EIF4G3: variants seen among roughly 807,000 people sequenced by gnomAD.
EIF4G3 encodes the protein eukaryotic translation initiation factor 4 gamma 3.
A neutral mutation model predicts 186.4 loss-of-function variants in EIF4G3; 34 were observed. The ratio of observed to expected loss-of-function variants is 0.18; its 90% confidence interval spans 0.14 to 0.24. The LOEUF (loss-of-function observed/expected upper bound fraction) is 0.24, where lower values mean the gene tolerates loss of function less well. Ranked by LOEUF, EIF4G3 falls within the 10% of genes least tolerant of loss-of-function variation. EIF4G3 has a pLI of 1.00. For synonymous variants in EIF4G3, 673 were observed against 679.5 expected (o/e 0.99, Z 0.15); for missense variants, 1,536 against 1,948.5 (o/e 0.79, Z 3.99).
At chr1:21,039,828 C>A (rs185904373) in intron 4 of EIF4G3, among the ~76,000 whole-genome samples, 131 of 152,164 alleles carry the variant, frequency 8.6e-4, no homozygotes, top group African/African-American at 2.9e-3. Flanking sequence ...AAGAAGCAAC[C>A]CAATTAAAAA....
chr1:21,159,507 C>T (rs2102920881), intron 2 of EIF4G3, among the ~76,000 whole-genome samples: 1 of 150,944 alleles, frequency 6.6e-6, no homozygotes, highest in South Asian at 2.1e-4. Flanking sequence ...GAGGCCGAAG[C>T]GGGCTGATCA....
chr1:20,817,582 C>A lies in EIF4G3; in HGVS notation c.4369-44G>T, dbSNP rs750583322. On this transcript the variant is annotated intron_variant, in intron 33 of 36. Coordinates refer to ENST00000602326, the MANE Select transcript of EIF4G3 (RefSeq NM_001391906.1). ...AACATATTAATATATTAATATAATTCTATGTTATTGTCATCCTGAGAGAAG... is the reference window on the plus strand; with the variant it reads ...AACATATTAATATATTAATATAATTATATGTTATTGTCATCCTGAGAGAAG... 5.3e-5 allele frequency: 67 copies of A among 1,268,996 alleles called. No homozygotes were observed. The Middle Eastern group carries it at 1.5e-3, about 28-fold the overall frequency. 78.6% of individuals were successfully genotyped at this position (1,268,996 alleles called of 1,614,324 possible). A position where few individuals can be genotyped will look rare whatever the true frequency, so the allele number is the denominator to read the frequency against.
chr1:20,923,057 G>A (rs1247520357), intron 14 of EIF4G3, among the ~76,000 whole-genome samples: 2 of 152,032 alleles, frequency 1.3e-5, no homozygotes, highest in Non-Finnish European at 2.9e-5. Flanking sequence ...TAAAGGTTGG[G>A]GCTAGAACTG....
Position 21,160,443 on chromosome 1 carries a change from T to C in EIF4G3, c.-272+15732A>G, listed in dbSNP as rs145855309. On this transcript the variant is annotated intron_variant, in intron 2 of 36. Transcript: ENST00000602326. Reference sequence around the variant, plus strand: ...ATTGAGAACCAAAGTTTGAGAAGATTCTAACATTGTTTGCAAACTCATCAA... The same window carrying C: ...ATTGAGAACCAAAGTTTGAGAAGATCCTAACATTGTTTGCAAACTCATCAA... Among the ~76,000 whole-genome samples, 110 of 152,240 alleles carry C rather than the reference T, an allele frequency of 7.2e-4. 1 individual carries two copies. Among genetic ancestry groups the C allele is most frequent in the Non-Finnish European group, 3.5e-4 (24 of 68,022 alleles).
At chr1:21,082,453 G>C (rs2095819247) in intron 3 of EIF4G3, among the ~76,000 whole-genome samples, 2 of 152,006 alleles carry the variant, frequency 1.3e-5, no homozygotes, top group Non-Finnish European at 2.9e-5. Flanking sequence ...AGGTGTGGTG[G>C]CACGTGCCTG....
In EIF4G3 at chr1:20,941,417, C is replaced by A. The variant is rs753886504; in HGVS notation, c.1663+74G>T. On this transcript the variant is annotated intron_variant, in intron 14 of 36. Transcript: ENST00000602326. The stretch of plus-strand genomic sequence containing the variant: ...GTTTCTGGAAGTCAAGGAAAGTAGC[C>A]AATTAAAAAATAACTCAAACACTGC... 3.1e-6 allele frequency: 5 copies of A among 1,609,288 alleles called. No homozygotes were observed. The East Asian group carries it at 8.9e-5, about 29-fold the overall frequency.
At chr1:20,940,303 G>C (rs1558336298) in intron 14 of EIF4G3, among the ~76,000 whole-genome samples, 1 of 152,142 alleles carries the variant, frequency 6.6e-6, no homozygotes, top group African/African-American at 2.4e-5. Context: ...AATTTACAAA[G>C]ATTTATGAAA....
At chr1:21,134,741 C>G (rs1019181535) in intron 2 of EIF4G3, among the ~76,000 whole-genome samples, 1 of 152,126 alleles carries the variant, frequency 6.6e-6, no homozygotes, top group Non-Finnish European at 1.5e-5. Context: ...CCACTTATCT[C>G]TGGTGAAAGA....
At chr1:21,139,644 C>G (rs899138692) in intron 2 of EIF4G3, among the ~76,000 whole-genome samples, 1 of 152,146 alleles carries the variant, frequency 6.6e-6, no homozygotes, top group African/African-American at 2.4e-5. Flanking sequence ...AGCTAGGGGT[C>G]TTAACTATAT....
At chr1:21,072,770 C>T (rs2095481842) in intron 3 of EIF4G3, among the ~76,000 whole-genome samples, 1 of 152,132 alleles carries the variant, frequency 6.6e-6, no homozygotes, top group African/African-American at 2.4e-5. Context: ...TATCTAACAC[C>T]ACACTAAGCT....
intron 3 of EIF4G3, among the ~76,000 whole-genome samples, chr1:21,054,029 G>C (rs1049430113): frequency 2.6e-5 from 4 of 152,316 alleles, no homozygotes; most frequent in African/African-American, 9.6e-5. Flanking sequence ...GAATAGAAAG[G>C]GGGGAAAGGT....
At chr1:20,965,042 G>C (rs1282817716) in intron 12 of EIF4G3, among the ~76,000 whole-genome samples, 1 of 152,118 alleles carries the variant, frequency 6.6e-6, no homozygotes, top group Non-Finnish European at 1.5e-5. Flanking sequence ...TCTGGGATTA[G>C]GAAGTAGTAA....
At chr1:21,125,771 T>TAC (rs59291288) in intron 2 of EIF4G3, among the ~76,000 whole-genome samples, 6,231 of 146,040 alleles carry the variant, frequency 0.043, 435 homozygotes, top group African/African-American at 0.15. Flanking sequence ...TATATATATA[T>TAC]ACACACACAC....
intron 29 of EIF4G3, among the ~76,000 whole-genome samples, chr1:20,844,917 T>C (rs1319727027): frequency 6.6e-6 from 1 of 152,142 alleles, no homozygotes; most frequent in African/African-American, 2.4e-5. Context: ...TTCTGTAAGT[T>C]GTCTGTTTAT....
rs147209067 is a variant in EIF4G3, at chr1:21,033,272, C to A, written c.-67+17594G>T. On this transcript the variant is annotated intron_variant, in intron 4 of 36. Coordinates refer to ENST00000602326, the MANE Select transcript of EIF4G3 (RefSeq NM_001391906.1). ...ACGGTAAGAGTCAAACTAATGAAAT[C>A]TTTTAACAATATTAGGAAATAATAT... 5.2e-3 allele frequency among the ~76,000 whole-genome samples: 788 copies of A among 152,106 alleles called. 7 individuals carry two copies. Among genetic ancestry groups the A allele is most frequent in the African/African-American group, 0.018 (756 of 41,492 alleles).
At chr1:20,982,279 C>T (rs1197055072) in intron 8 of EIF4G3, 109 bp downstream of exon 8, 6 of 765,462 alleles carry the variant, frequency 7.8e-6, no homozygotes, top group East Asian at 6.3e-5. Flanking sequence ...AACAATATAC[C>T]AATAGTAAAT....
intron 18 of EIF4G3, among the ~76,000 whole-genome samples, chr1:20,891,616 CAAAAAAA>C (rs11343165): frequency 9.8e-5 from 8 of 81,660 alleles, no homozygotes; most frequent in Non-Finnish European, 1.4e-4. Flanking sequence ...ACTAAAAATA[CAAAAAAA>C]AAAAAAAAAA....
chr1:21,027,340 G>A (rs1011197286), intron 4 of EIF4G3, among the ~76,000 whole-genome samples: 9 of 151,282 alleles, frequency 5.9e-5, no homozygotes, highest in African/African-American at 1.9e-4. Flanking sequence ...CTACAGGTGC[G>A]TGCCACCATG....
intron 30 of EIF4G3, among the ~76,000 whole-genome samples, chr1:20,837,381 T>C (rs1032582863): frequency 5.9e-5 from 9 of 152,166 alleles, no homozygotes; most frequent in African/African-American, 2.2e-4. Flanking sequence ...AATTTTTGTA[T>C]TTTTAGCAGA....
Sources: gnomAD v4.1 joint callset for allele counts (sites outside exome capture counted in the v4.1 genomes callset) on GRCh38, gnomAD v4.1.1 for gene constraint, MANE v1.5 for transcripts, NCBI Gene and HGNC (gene_info 2026-07-23, HGNC 2026-07-21) for gene names.